AFDN: variants seen among roughly 807,000 people sequenced by gnomAD.
The protein encoded by AFDN is afadin.
In AFDN, 68 loss-of-function variants were observed where a neutral mutation model predicts 216.6. That is an observed-to-expected ratio of 0.31 (90% CI 0.26 to 0.38). The LOEUF (loss-of-function observed/expected upper bound fraction) is 0.38. AFDN is among the 10% of genes least tolerant of loss of function. The pLI is 1.00. For missense variants in AFDN, 2,136 were observed against 2,342.0 expected, an observed-to-expected ratio of 0.91 and a Z score of 1.82; for synonymous variants, 868 against 853.7, an observed-to-expected ratio of 1.02 and a Z score of -0.29.
chr6:167,931,940 C>G (rs1421502885), intron 23 of AFDN, among the ~76,000 whole-genome samples: 2 of 152,180 alleles, frequency 1.3e-5, no homozygotes, highest in South Asian at 2.1e-4. Context: ...CCATGGCACC[C>G]CCTCTCAAAG....
At chr6:167,872,571 C>T (rs1016902401) in intron 4 of AFDN, among the ~76,000 whole-genome samples, 194 bp downstream of exon 4, 2 of 152,226 alleles carry the variant, frequency 1.3e-5, no homozygotes, top group African/African-American at 2.4e-5. Flanking sequence ...TCATTGCTGG[C>T]AGTGCCTGTC....
At chr6:167,827,283 G>T in intron 1 of AFDN, 46 bp downstream of exon 1, 1 of 829,076 alleles carries the variant, frequency 1.2e-6, no homozygotes, top group Non-Finnish European at 1.5e-6. Flanking sequence ...CGCCCGCTGC[G>T]CCGCGCCCCG....
intron 6 of AFDN, among the ~76,000 whole-genome samples, chr6:167,881,664 AC>A: frequency 6.6e-6 from 1 of 152,306 alleles, no homozygotes; most frequent in Non-Finnish European, 1.5e-5. Flanking sequence ...TCACTTCCCT[AC>A]CCTAACTGCT....
At chr6:167,858,524 T>G (rs1263666180) in intron 1 of AFDN, among the ~76,000 whole-genome samples, 1 of 152,230 alleles carries the variant, frequency 6.6e-6, no homozygotes. Context: ...TTTTCCCACT[T>G]TCAGTGAACT....
rs1419336806 is a variant in AFDN, at chr6:167,970,965, A to G, written c.*1030A>G. 2 of 212,650 alleles carry G rather than the reference A, an allele frequency of 9.4e-6. No individual in the cohort carries two copies. The highest frequency in any genetic ancestry group is 1.9e-5 in the Non-Finnish European group (2 of 105,166). The allele number at this position is 212,650 out of a possible 1,614,324, so 13.2% of individuals were successfully genotyped here. ...CTTAAATATTGTAAGAATAACTCATATGGAAGTTCAAGCTATTTTTATACT... is the reference window on the plus strand; with the variant it reads ...CTTAAATATTGTAAGAATAACTCATGTGGAAGTTCAAGCTATTTTTATACT... On this transcript the variant is annotated 3_prime_UTR_variant, in exon 34 of 34. Coordinates refer to ENST00000683244, the MANE Select transcript of AFDN (RefSeq NM_001386888.1).
At chr6:167,954,021 G>A (rs1796264388) in intron 30 of AFDN, among the ~76,000 whole-genome samples, 1 of 152,116 alleles carries the variant, frequency 6.6e-6, no homozygotes, top group African/African-American at 2.4e-5. Flanking sequence ...TTTCTGTGAG[G>A]ACTAAACTTT....
intron 19 of AFDN, among the ~76,000 whole-genome samples, chr6:167,915,880 T>C (rs1171653635): frequency 6.6e-6 from 1 of 152,212 alleles, no homozygotes; most frequent in Non-Finnish European, 1.5e-5. Flanking sequence ...AAATTTCATA[T>C]TTAGACTTGG....
intron 31 of AFDN, chr6:167,964,830 TTC>T (rs1364861408): frequency 9.8e-5 from 105 of 1,066,130 alleles, no homozygotes; most frequent in Non-Finnish European, 1.2e-4. Context: ...AGGCAGTTTA[TTC>T]TGTTTGCTCT....
Position 167,965,874 on chromosome 6 carries a change from C to T in AFDN, c.5086C>T (p.Pro1696Ser), listed in dbSNP as rs1470711233. 1.3e-6 allele frequency: 2 copies of T among 1,548,992 alleles called. No homozygotes were observed. Among genetic ancestry groups the T allele is most frequent in the East Asian group, 2.4e-5 (1 of 40,896 alleles). The change falls in exon 32 of 34, where the codon CCC (proline) becomes TCC (serine). Residue 1696 changes from proline to serine, a missense_variant. By Grantham distance (74) the Pro-to-Ser change is moderately conservative (BLOSUM62 -1). Transcript: ENST00000683244. The part of the protein sequence containing the change: ...EAPGLCRPPL[P>S]RDYEPPSPSP... ...GCCCGGTCTGTGCCGCCCTCCGCTT[C>T]CCCGGGACTACGAGCCCCCGTCCCC...
intron 1 of AFDN, among the ~76,000 whole-genome samples, chr6:167,830,483 G>C (rs1219117439): frequency 6.6e-6 from 1 of 152,190 alleles, no homozygotes; most frequent in African/African-American, 2.4e-5. Context: ...TTCTAAAAAT[G>C]TAGTGAAGAG....
At chr6:167,922,815 G>T in intron 21 of AFDN, 41 bp from the exon 22 acceptor site, 2 of 1,328,940 alleles carry the variant, frequency 1.5e-6, no homozygotes, top group South Asian at 2.4e-5. Flanking sequence ...ATCTTGACAA[G>T]ATGTGCTTTT....
rs753711058 is a variant in AFDN, at chr6:167,966,011, TGAGGAG to T, written c.5238_5243del (p.Glu1746_Glu1747del). On this transcript the variant is annotated inframe_deletion, in exon 32 of 34. Coordinates refer to ENST00000683244, the MANE Select transcript of AFDN (RefSeq NM_001386888.1). ...TCACTGCCAAGTTTGTTGCATACAA[TGAGGAG>T]GAGGAGGAGGAGGACTGCAGCCTAG... 1.9e-5 allele frequency: 29 copies of T among 1,546,366 alleles called. No homozygotes were observed. The highest frequency in any genetic ancestry group is 4.8e-5 in the South Asian group (4 of 83,920).
At chr6:167,922,406 T>A (rs192692176) in intron 21 of AFDN, among the ~76,000 whole-genome samples, 1 of 152,342 alleles carries the variant, frequency 6.6e-6, no homozygotes, top group Admixed American at 6.5e-5. Flanking sequence ...GTAATTTGAA[T>A]GTAAGTAGTT....
chr6:167,961,063 T>C (rs564059060), intron 30 of AFDN, among the ~76,000 whole-genome samples: 1 of 147,376 alleles, frequency 6.8e-6, no homozygotes, highest in East Asian at 2.0e-4. Context: ...AAGTTGATTT[T>C]TATTTAAAAA....
At chr6:167,942,558 T>C (rs1794821301) in intron 23 of AFDN, among the ~76,000 whole-genome samples, 1 of 152,196 alleles carries the variant, frequency 6.6e-6, no homozygotes, top group Non-Finnish European at 1.5e-5. Flanking sequence ...AGAACTTAAG[T>C]CTATGTAACA....
intron 1 of AFDN, among the ~76,000 whole-genome samples, chr6:167,834,479 T>TC (rs1554275699): frequency 3.0e-3 from 438 of 145,328 alleles, no homozygotes; most frequent in African/African-American, 5.8e-3. Context: ...TTTTTTTTTT[T>TC]CGAAAGGTAT....
chr6:167,865,682 A>G (rs1784096848), intron 2 of AFDN, among the ~76,000 whole-genome samples: 1 of 152,216 alleles, frequency 6.6e-6, no homozygotes, highest in South Asian at 2.1e-4. Context: ...AATGTTGAGT[A>G]ACCTGTTTTA....
intron 32 of AFDN, among the ~76,000 whole-genome samples, chr6:167,968,199 T>A (rs1202247081): frequency 2.6e-5 from 4 of 152,144 alleles, no homozygotes; most frequent in African/African-American, 4.8e-5. Context: ...TTGAAAAAAA[T>A]GTCTCCATGC....
At chr6:167,858,832 T>C (rs1243765953) in intron 1 of AFDN, among the ~76,000 whole-genome samples, 2 of 152,158 alleles carry the variant, frequency 1.3e-5, no homozygotes, top group Admixed American at 1.3e-4. Flanking sequence ...GCTCATTTTA[T>C]AAATGAGGAA....
Sources: allele counts gnomAD v4.1 joint callset (sites outside exome capture counted in the v4.1 genomes callset), GRCh38; gene constraint gnomAD v4.1.1; transcripts MANE v1.5; gene names NCBI Gene and HGNC (gene_info 2026-07-23, HGNC 2026-07-21).